SLCO1A2: variants seen among roughly 807,000 people sequenced by gnomAD.
SLCO1A2 encodes the protein solute carrier organic anion transporter family member 1A2.
In SLCO1A2, 67 loss-of-function variants were observed where a neutral mutation model predicts 69.0. The observed-to-expected ratio is 0.97, with a 90% confidence interval of 0.80 to 1.19. SLCO1A2 has a LOEUF of 1.19. Among genes scored for constraint, SLCO1A2 ranks in the 50% most tolerant of loss-of-function variants. The probability of loss-of-function intolerance (pLI) is 0.00; values close to 1 mark genes in which losing one functional copy is unlikely to be tolerated. For missense variants in SLCO1A2, 787 were observed against 793.7 expected (o/e 0.99, Z 0.10); for synonymous variants, 260 against 265.9 (o/e 0.98, Z 0.22).
chr12:21,302,232 C>T (rs1008172171), intron 6 of SLCO1A2, among the ~76,000 whole-genome samples: 16 of 152,100 alleles, frequency 1.1e-4, no homozygotes, highest in African/African-American at 3.9e-4. Context: ...TTACATTCTC[C>T]TCCAAATACT....
intron 1 of SLCO1A2, among the ~76,000 whole-genome samples, chr12:21,416,484 A>AT (rs529355574): frequency 2.5e-4 from 38 of 149,850 alleles, no homozygotes; most frequent in African/African-American, 4.4e-4. Flanking sequence ...CATTAGGAGG[A>AT]TTTTTTTTTT....
At chr12:21,320,440 G>A (rs150486820) in intron 2 of SLCO1A2, among the ~76,000 whole-genome samples, 144 of 151,962 alleles carry the variant, frequency 9.5e-4, no homozygotes, top group Admixed American at 1.8e-3. Flanking sequence ...TCCCATTTTC[G>A]AGATTCTAAT....
At chr12:21,400,015 A>C (rs1414365442), upstream of SLCO1A2, among the ~76,000 whole-genome samples, 1 of 151,808 alleles carries the variant, frequency 6.6e-6, no homozygotes, top group Non-Finnish European at 1.5e-5. Context: ...CAAAAGACAA[A>C]ATTGACAAAT....
At position 21,304,593 on chromosome 12, in the gene SLCO1A2, C is replaced by A; in HGVS notation, c.443-20G>T. The A allele has an allele frequency of 6.3e-7, 1 of 1,575,952 alleles. No individual in the cohort carries two copies. The highest frequency in any genetic ancestry group is 8.6e-7 in the Non-Finnish European group (1 of 1,160,960). ...TACACTCTGCATTAAAAAAAAAAGA[C>A]ATGACATTAGTGCTTTGACGATAAA... is the stretch of plus-strand genomic sequence containing the variant. On this transcript the variant is annotated intron_variant, in intron 5 of 14. Transcript: ENST00000683939.
chr12:21,269,510 T>C lies in SLCO1A2; in HGVS notation c.*38A>G, dbSNP rs201153983. The C allele has an allele frequency of 2.0e-5, 29 of 1,450,182 alleles. No individual in the cohort carries two copies. The highest frequency in any genetic ancestry group is 2.7e-5 in the Non-Finnish European group (28 of 1,039,122). The allele number at this position is 1,450,182 out of a possible 1,614,324, so 89.8% of individuals were successfully genotyped here. ...TTTAAAACAATTAAGTTGTACAGCA[T>C]GTTCTCTAATTCTGAAAAAAGTAAT... On this transcript the variant is annotated 3_prime_UTR_variant, in exon 15 of 15. Transcript: ENST00000683939.
intron 2 of SLCO1A2, chr12:21,373,335 A>T (rs746773690): frequency 6.3e-7 from 1 of 1,578,738 alleles, no homozygotes; most frequent in Admixed American, 1.7e-5. Flanking sequence ...TATTCTTTGC[A>T]GAAAATTTGA....
intron 2 of SLCO1A2, among the ~76,000 whole-genome samples, chr12:21,370,680 T>C (rs1939719838): frequency 6.6e-6 from 1 of 152,132 alleles, no homozygotes; most frequent in African/African-American, 2.4e-5. Context: ...AAAAAGGTTA[T>C]GAAAATAGAA....
intron 1 of SLCO1A2, among the ~76,000 whole-genome samples, chr12:21,407,451 G>A (rs1941839031): frequency 1.3e-5 from 2 of 152,138 alleles, no homozygotes; most frequent in Non-Finnish European, 2.9e-5. Context: ...TTGGAAATGG[G>A]AATCCATAGG....
At position 21,294,124 on chromosome 12, in the gene SLCO1A2, A is replaced by C; in HGVS notation, c.1272-14T>G. 6.4e-7 allele frequency: 1 copy of C among 1,559,608 alleles called. No individual in the cohort carries two copies. The highest frequency in any genetic ancestry group is 1.2e-5 in the South Asian group (1 of 83,754). On this transcript the variant is annotated splice_polypyrimidine_tract_variant and intron_variant, in intron 10 of 14. Coordinates refer to ENST00000683939, the MANE Select transcript of SLCO1A2 (RefSeq NM_001386879.1). ...TCTTGTGGAATTCTGAAGTGATTTA[A>C]AATAATGCCATAGATATTAAAAGAG... is the stretch of plus-strand genomic sequence containing the variant.
At chr12:21,370,426 C>G (rs1312558662) in intron 2 of SLCO1A2, among the ~76,000 whole-genome samples, 2 of 149,820 alleles carry the variant, frequency 1.3e-5, no homozygotes, top group Non-Finnish European at 3.0e-5. Flanking sequence ...TGTGCTGCAC[C>G]CATCAACTCG....
At chr12:21,331,851 A>G (rs1050471733) in intron 2 of SLCO1A2, among the ~76,000 whole-genome samples, 1 of 152,118 alleles carries the variant, frequency 6.6e-6, no homozygotes, top group African/African-American at 2.4e-5. Context: ...GTAGAGAAAA[A>G]TAAATTTTAG....
intron 1 of SLCO1A2, among the ~76,000 whole-genome samples, chr12:21,408,546 C>A (rs1339021957): frequency 6.6e-6 from 1 of 152,090 alleles, no homozygotes; most frequent in African/African-American, 2.4e-5. Flanking sequence ...GTGAGTCTAC[C>A]AGAAATCCGC....
chr12:21,385,978 T>A (rs1940858382), intron 1 of SLCO1A2, among the ~76,000 whole-genome samples: 1 of 152,186 alleles, frequency 6.6e-6, no homozygotes, highest in Non-Finnish European at 1.5e-5. Context: ...ATATTCAAAC[T>A]CAGTTTTCAG....
intron 1 of SLCO1A2, among the ~76,000 whole-genome samples, chr12:21,393,516 T>G (rs1395936341): frequency 1.3e-5 from 2 of 152,238 alleles, no homozygotes; most frequent in African/African-American, 4.8e-5. Flanking sequence ...TTTTTGAAGC[T>G]GCTTAGAGAC....
At position 21,270,017 on chromosome 12, in the gene SLCO1A2, G is replaced by A. The variant is rs1440730188; in HGVS notation, c.1794-250C>T. On this transcript the variant is annotated intron_variant, in intron 14 of 14. Transcript: ENST00000683939. ...TCTTTTCTAATGTTTTATTATTGTT[G>A]TTATAACTAACTAGTTTTTCATTGA... Among the ~76,000 whole-genome samples the A allele has an allele frequency of 2.2e-5, 3 of 138,720 alleles. No homozygotes were observed. The South Asian group carries it at 6.6e-4, about 31-fold the overall frequency. The allele number at this position is 138,720 out of a possible 152,430, so 91.0% of individuals were successfully genotyped here. A position where few individuals can be genotyped will look rare whatever the true frequency, so the allele number is the denominator to read the frequency against.
chr12:21,329,502 C>T (rs79033234), intron 2 of SLCO1A2, among the ~76,000 whole-genome samples: 2 of 143,580 alleles, frequency 1.4e-5, no homozygotes, highest in South Asian at 2.2e-4. Context: ...AATATTTTTG[C>T]TTTTTTTTTT....
At chr12:21,418,446 T>G (rs953876084), upstream of SLCO1A2, among the ~76,000 whole-genome samples, 2 of 152,106 alleles carry the variant, frequency 1.3e-5, no homozygotes, top group African/African-American at 2.4e-5. Flanking sequence ...TACCTGAGAC[T>G]GGGTAGGTTA....
At chr12:21,311,647 A>T (rs567391302) in intron 4 of SLCO1A2, 2 of 151,888 alleles carry the variant, frequency 1.3e-5, no homozygotes, top group East Asian at 3.9e-4. Context: ...AAAGTCCGAG[A>T]TGGCATCTTC....
At position 21,301,076 on chromosome 12, in the gene SLCO1A2, A is replaced by G. The variant is rs1168535156; in HGVS notation, c.688+95T>C. On this transcript the variant is annotated intron_variant, in intron 7 of 14. Coordinates refer to ENST00000683939, the MANE Select transcript of SLCO1A2 (RefSeq NM_001386879.1). ...TTTTAAAGTAGAGATCATTTATCAAATTGAAGGTCAAGTAAGGCCATGATT... is the reference window on the plus strand; with the variant it reads ...TTTTAAAGTAGAGATCATTTATCAAGTTGAAGGTCAAGTAAGGCCATGATT... 10 of 625,136 alleles carry G rather than the reference A, an allele frequency of 1.6e-5. No homozygotes were observed. The Admixed American group carries it at 3.7e-4, about 23-fold the overall frequency. 38.7% of individuals were successfully genotyped at this position (625,136 alleles called of 1,614,324 possible).
Sources: gnomAD v4.1 joint callset for allele counts (sites outside exome capture counted in the v4.1 genomes callset) on GRCh38, gnomAD v4.1.1 for gene constraint, MANE v1.5 for transcripts, NCBI Gene and HGNC (gene_info 2026-07-23, HGNC 2026-07-21) for gene names.